CDH18: variants seen among roughly 807,000 people sequenced by gnomAD.
CDH18 encodes cadherin 18.
Under a neutral mutation model 67.9 loss-of-function variants are expected in CDH18, and 31 were observed. The ratio of observed to expected loss-of-function variants is 0.46; its 90% CI spans 0.34 to 0.62. The LOEUF is 0.62. Among genes scored for constraint, CDH18 ranks in the 20% least tolerant of loss-of-function variants. The probability of loss-of-function intolerance (pLI) is 0.01; values close to 1 mark genes in which losing one functional copy is unlikely to be tolerated. For missense variants in CDH18, 890 were observed against 975.5 expected (o/e 0.91, Z 1.17); for synonymous variants, 362 against 347.2 (o/e 1.04, Z -0.48).
chr5:19,760,788 G>A (rs1294476862), intron 3 of CDH18, among the ~76,000 whole-genome samples: 2 of 152,140 alleles, frequency 1.3e-5, no homozygotes, highest in East Asian at 3.9e-4. Flanking sequence ...AGATGATGGG[G>A]GTGGCTCCTG....
At chr5:20,172,196 ATATATATATATATATATATATATATATG>A (rs1188351453) in intron 2 of CDH18, among the ~76,000 whole-genome samples, 4 of 45,436 alleles carry the variant, frequency 8.8e-5, no homozygotes, top group Non-Finnish European at 1.6e-4. Flanking sequence ...GTGTGTATAT[ATATATATATATATATATATATATATATG>A]TATATATATA....
At chr5:20,457,954 T>C (rs954991229) in intron 1 of CDH18, among the ~76,000 whole-genome samples, 5 of 152,216 alleles carry the variant, frequency 3.3e-5, no homozygotes, top group African/African-American at 1.2e-4. Context: ...TGAAATGTGA[T>C]GCTTATCTTC....
intron 2 of CDH18, among the ~76,000 whole-genome samples, chr5:19,862,872 C>CCCTGAAA (rs757137242): frequency 2.9e-3 from 445 of 152,272 alleles, no homozygotes; most frequent in Non-Finnish European, 4.4e-3. Flanking sequence ...CCTGAAAAGA[C>CCCTGAAA]AGTTTATTAT....
chr5:19,797,760 T>C (rs1198644421), intron 3 of CDH18, among the ~76,000 whole-genome samples: 2 of 152,066 alleles, frequency 1.3e-5, no homozygotes, highest in Admixed American at 6.6e-5. Flanking sequence ...TCTTCCCAAA[T>C]CTATAGGTTG....
At chr5:19,581,741 A>C (rs1358865475) in intron 7 of CDH18, among the ~76,000 whole-genome samples, 1 of 152,134 alleles carries the variant, frequency 6.6e-6, no homozygotes, top group African/African-American at 2.4e-5. Context: ...GGCCTAGACC[A>C]GGAATAGTGA....
rs181149218 is a variant in CDH18 at position 20,136,429 on chromosome 5, C to T, written c.-518+119015G>A. The stretch of plus-strand genomic sequence containing the variant: ...ATGCAAACCTTGCTTATTTTTGTTT[C>T]GCATTTGCTTGGTAGATCTTCTTCT... On this transcript the variant is annotated intron_variant, in intron 2 of 14. Coordinates refer to the CDH18 transcript ENST00000507958. Among the ~76,000 whole-genome samples, 226 of 152,044 alleles carry T rather than the reference C, an allele frequency of 1.5e-3. 1 individual carries two copies. Among genetic ancestry groups the T allele is most frequent in the African/African-American group, 5.4e-3 (222 of 41,482 alleles).
At chr5:19,831,378 G>T (rs937249822) in intron 3 of CDH18, among the ~76,000 whole-genome samples, 3 of 151,512 alleles carry the variant, frequency 2.0e-5, no homozygotes, top group Non-Finnish European at 4.4e-5. Flanking sequence ...TCCTACAAAG[G>T]TATAATATCT....
At chr5:20,242,027 G>A (rs537679608) in intron 2 of CDH18, among the ~76,000 whole-genome samples, 1 of 151,222 alleles carries the variant, frequency 6.6e-6, no homozygotes, top group African/African-American at 2.4e-5. Flanking sequence ...AGTACACATA[G>A]GATAAATAAA....
chr5:19,963,039 A>G (rs767500560), intron 2 of CDH18, among the ~76,000 whole-genome samples: 2 of 152,108 alleles, frequency 1.3e-5, no homozygotes, highest in Admixed American at 6.6e-5. Context: ...AAATTGATCC[A>G]TAATCATTGC....
intron 5 of CDH18, 98 bp from the exon 6 acceptor site, chr5:19,612,699 G>A (rs1351965580): frequency 1.1e-5 from 10 of 909,866 alleles, no homozygotes; most frequent in Non-Finnish European, 1.7e-5. Context: ...TTTTAAAATA[G>A]CATATTTTTG....
chr5:19,797,577 G>C (rs79311991), intron 3 of CDH18, among the ~76,000 whole-genome samples: 2,502 of 151,940 alleles, frequency 0.016, 63 homozygotes, highest in African/African-American at 0.057. Flanking sequence ...TAAAACAATT[G>C]CATTTACAAT....
At chr5:19,495,354 G>A (rs915014636) in intron 11 of CDH18, among the ~76,000 whole-genome samples, 3 of 151,946 alleles carry the variant, frequency 2.0e-5, no homozygotes, top group Non-Finnish European at 2.9e-5. Context: ...CAAACAAATG[G>A]TTCTTCATTT....
intron 1 of CDH18, among the ~76,000 whole-genome samples, chr5:20,556,537 C>T (rs1030268697): frequency 6.6e-6 from 1 of 152,192 alleles, no homozygotes; most frequent in African/African-American, 2.4e-5. Context: ...ACTGTATCCT[C>T]AGATGCTCAC....
intron 1 of CDH18, among the ~76,000 whole-genome samples, chr5:20,493,044 A>G (rs73764430): frequency 0.039 from 5,869 of 152,194 alleles, 369 homozygotes; most frequent in African/African-American, 0.13. Flanking sequence ...TCAATGTCAA[A>G]AAACTTTATG....
At chr5:19,687,612 C>T (rs1398024106) in intron 5 of CDH18, among the ~76,000 whole-genome samples, 1 of 152,156 alleles carries the variant, frequency 6.6e-6, no homozygotes, top group African/African-American at 2.4e-5. Context: ...AAGCCTACCT[C>T]CACCAGCAGT....
At chr5:19,587,776 T>G (rs1370386128) in intron 7 of CDH18, among the ~76,000 whole-genome samples, 2 of 152,204 alleles carry the variant, frequency 1.3e-5, no homozygotes, top group East Asian at 3.9e-4. Context: ...CTCTTCAGGT[T>G]TTTTGGTTTC....
intron 1 of CDH18, among the ~76,000 whole-genome samples, chr5:20,263,206 T>C (rs1744792671): frequency 6.6e-6 from 1 of 152,194 alleles, no homozygotes; most frequent in African/African-American, 2.4e-5. Flanking sequence ...TGAAGCCAAG[T>C]ACATGTGTGG....
Position 19,746,928 on chromosome 5 carries a change from A to G in CDH18, c.523+14T>C. 6.2e-7 allele frequency: 1 copy of G among 1,604,530 alleles called. No individual in the cohort carries two copies. Among genetic ancestry groups the G allele is most frequent in the Admixed American group, 1.7e-5 (1 of 59,302 alleles). On this transcript the variant is annotated intron_variant, in intron 4 of 12. Transcript: ENST00000382275. ...ATATGTTAATTGCATAATCACAAAA[A>G]TGATTTTTCTTACCCATATCTGACA...
At chr5:20,334,128 A>ATTTTTTT (rs1390783093) in intron 1 of CDH18, among the ~76,000 whole-genome samples, 2 of 118,340 alleles carry the variant, frequency 1.7e-5, no homozygotes, top group African/African-American at 7.0e-5. Context: ...TCTGACTTGA[A>ATTTTTTT]TTCTTTTTTT....
Sources: gnomAD v4.1 joint callset for allele counts (sites outside exome capture counted in the v4.1 genomes callset) on GRCh38, gnomAD v4.1.1 for gene constraint, MANE v1.5 for transcripts, NCBI Gene and HGNC (gene_info 2026-07-23, HGNC 2026-07-21) for gene names.